Variants in F13A1 observed in about 807,000 individuals in gnomAD.
F13A1 encodes FSF, A subunit.
F13A1 carries 47 observed loss-of-function variants against 80.1 expected under a neutral mutation model. The ratio of observed to expected loss-of-function variants is 0.59; its 90% CI spans 0.46 to 0.75. The LOEUF (loss-of-function observed/expected upper bound fraction) is 0.75, where lower values mean the gene tolerates loss of function less well. Ranked by LOEUF, F13A1 falls within the 30% of genes least tolerant of loss-of-function variation. The probability of loss-of-function intolerance (pLI) is 0.00; values close to 1 mark genes in which losing one functional copy is unlikely to be tolerated. For synonymous variants in F13A1, 349 were observed against 344.9 expected (o/e 1.01, Z -0.13); for missense variants, 817 against 930.4 (o/e 0.88, Z 1.59).
intron 10 of F13A1, among the ~76,000 whole-genome samples, chr6:6,188,148 G>C (rs1208651423): frequency 6.6e-6 from 1 of 151,980 alleles, no homozygotes; most frequent in Admixed American, 6.6e-5. Flanking sequence ...CGGTCTATCA[G>C]TTTTGTTGAT....
chr6:6,248,161 G>T, intron 6 of F13A1, 151 bp downstream of exon 6: 2 of 715,498 alleles, frequency 2.8e-6, no homozygotes, highest in Non-Finnish European at 5.0e-6. Context: ...GAAAATTCCA[G>T]GAGCTATAAC....
At chr6:6,159,953 T>C (rs1377607211) in intron 13 of F13A1, among the ~76,000 whole-genome samples, 1 of 152,012 alleles carries the variant, frequency 6.6e-6, no homozygotes, top group Non-Finnish European at 1.5e-5. Context: ...GGCGCAACCT[T>C]TCCCCATTTC....
At chr6:6,190,002 C>G (rs1293968744) in intron 10 of F13A1, among the ~76,000 whole-genome samples, 1 of 152,186 alleles carries the variant, frequency 6.6e-6, no homozygotes, top group Non-Finnish European at 1.5e-5. Flanking sequence ...ACCCTTTCTT[C>G]CAGTTGATCG....
chr6:6,306,149 A>G (rs1378705138), intron 2 of F13A1, among the ~76,000 whole-genome samples: 1 of 152,214 alleles, frequency 6.6e-6, no homozygotes, highest in Non-Finnish European at 1.5e-5. Context: ...GGTCTGGAGA[A>G]AGGACACTAA....
intron 14 of F13A1, among the ~76,000 whole-genome samples, chr6:6,147,049 C>G (rs1297802703): frequency 6.6e-6 from 1 of 152,158 alleles, no homozygotes; most frequent in Non-Finnish European, 1.5e-5. Flanking sequence ...TGAAGTAACT[C>G]AGGAATGGAA....
At chr6:6,315,232 T>A (rs537407749) in intron 2 of F13A1, among the ~76,000 whole-genome samples, 203 of 152,326 alleles carry the variant, frequency 1.3e-3, no homozygotes, top group Middle Eastern at 6.8e-3. Flanking sequence ...GTGGAGAGAT[T>A]TTTCAGAAAC....
intron 12 of F13A1, chr6:6,169,184 G>T (rs1349324984): frequency 1.3e-5 from 2 of 152,162 alleles, no homozygotes; most frequent in Non-Finnish European, 2.9e-5. Context: ...TGTGCAGCCA[G>T]GGTTGAGAAG....
At chr6:6,200,570 G>C (rs1761375616) in intron 8 of F13A1, among the ~76,000 whole-genome samples, 1 of 149,330 alleles carries the variant, frequency 6.7e-6, no homozygotes, top group South Asian at 2.1e-4. Flanking sequence ...AAAAAAAAGT[G>C]ATCTAGGTTG....
At chr6:6,190,839 A>T (rs560736482) in intron 10 of F13A1, among the ~76,000 whole-genome samples, 19 of 151,992 alleles carry the variant, frequency 1.3e-4, no homozygotes, top group Admixed American at 7.2e-4. Flanking sequence ...GCCGCCTTGC[A>T]GTTTGATCTC....
At chr6:6,308,608 T>C (rs1758547567) in intron 2 of F13A1, among the ~76,000 whole-genome samples, 2 of 70,280 alleles carry the variant, frequency 2.8e-5, no homozygotes, top group Non-Finnish European at 6.1e-5. Context: ...AACACATTCT[T>C]TTTTTTTTTT....
At chr6:6,179,886 C>A (rs1760949737) in intron 11 of F13A1, among the ~76,000 whole-genome samples, 1 of 152,124 alleles carries the variant, frequency 6.6e-6, no homozygotes, top group African/African-American at 2.4e-5. Context: ...AATTTGTTAT[C>A]CACCCCCAGC....
At chr6:6,150,978 A>G (rs962166730) in intron 14 of F13A1, among the ~76,000 whole-genome samples, 4 of 152,208 alleles carry the variant, frequency 2.6e-5, no homozygotes, top group African/African-American at 9.6e-5. Context: ...AAACCATCAG[A>G]TGGAAAAGAG....
At chr6:6,166,017 T>TG (rs1478770178) in intron 13 of F13A1, among the ~76,000 whole-genome samples, 1 of 152,234 alleles carries the variant, frequency 6.6e-6, no homozygotes, top group Non-Finnish European at 1.5e-5. Flanking sequence ...GGACTTGCCT[T>TG]GGGGTGGCTC....
intron 13 of F13A1, among the ~76,000 whole-genome samples, chr6:6,163,650 T>C (rs1760613260): frequency 6.6e-6 from 1 of 152,224 alleles, no homozygotes; most frequent in Non-Finnish European, 1.5e-5. Flanking sequence ...TCCATTCGTG[T>C]TCCTGCGAAG....
intron 7 of F13A1, among the ~76,000 whole-genome samples, chr6:6,223,645 T>A (rs1169074382): frequency 6.6e-6 from 1 of 152,214 alleles, no homozygotes; most frequent in East Asian, 1.9e-4. Flanking sequence ...TTATCCTGTT[T>A]GATACTATGG....
At chr6:6,225,833 C>T (rs1013381833) in intron 6 of F13A1, among the ~76,000 whole-genome samples, 1 of 152,134 alleles carries the variant, frequency 6.6e-6, no homozygotes, top group Non-Finnish European at 1.5e-5. Flanking sequence ...GTAAAATTCA[C>T]TTAAGTATTC....
At position 6,312,314 on chromosome 6, in the gene F13A1, G is replaced by A. The variant is rs372691284; in HGVS notation, c.130+6221C>T. Reference sequence around the variant, plus strand: ...TCAGGAAAAACATAAAATCACAGTGGTACTATAAGTGGGGAAAAACTAAGG... The same window carrying A: ...TCAGGAAAAACATAAAATCACAGTGATACTATAAGTGGGGAAAAACTAAGG... On this transcript the variant is annotated intron_variant, in intron 2 of 14. Transcript: ENST00000264870. Among the ~76,000 whole-genome samples, 31 of 151,888 alleles carry A rather than the reference G, an allele frequency of 2.0e-4. No homozygotes were observed. In the East Asian group the frequency reaches 4.6e-3, roughly 23 times the overall value.
At chr6:6,295,934 G>A (rs76536046) in intron 3 of F13A1, among the ~76,000 whole-genome samples, 1 of 142,006 alleles carries the variant, frequency 7.0e-6, no homozygotes, top group Non-Finnish European at 1.5e-5. Flanking sequence ...AAGCTGTAAG[G>A]AAGGGATCCA....
chr6:6,223,622 T>C (rs1421730148), intron 7 of F13A1, among the ~76,000 whole-genome samples: 1 of 152,140 alleles, frequency 6.6e-6, no homozygotes, highest in Non-Finnish European at 1.5e-5. Flanking sequence ...TTTAAATGGC[T>C]AAGAAAATAA....
Sources: allele counts gnomAD v4.1 joint callset (sites outside exome capture counted in the v4.1 genomes callset), GRCh38; gene constraint gnomAD v4.1.1; transcripts MANE v1.5; gene names NCBI Gene and HGNC (gene_info 2026-07-23, HGNC 2026-07-21).